Variants in LMNB1 observed in about 807,000 individuals in gnomAD.
The protein encoded by LMNB1 is lamin B1.
A neutral mutation model predicts 67.1 loss-of-function variants in LMNB1; 23 were observed. That is an observed-to-expected ratio of 0.34 (90% CI 0.25 to 0.49). The LOEUF (loss-of-function observed/expected upper bound fraction) is 0.49. LMNB1 is among the 20% of genes least tolerant of loss of function. LMNB1 has a pLI of 0.99. For synonymous variants in LMNB1, 281 were observed against 282.9 expected (o/e 0.99, Z 0.07); for missense variants, 634 against 746.5 (o/e 0.85, Z 1.76).
At chr5:126,778,880 G>T (rs945678225) in intron 1 of LMNB1, among the ~76,000 whole-genome samples, 4 of 152,164 alleles carry the variant, frequency 2.6e-5, no homozygotes, top group African/African-American at 9.7e-5. Context: ...CTAAGCGAGT[G>T]CGAGTTTTCA....
intron 9 of LMNB1, among the ~76,000 whole-genome samples, chr5:126,828,906 G>A (rs1387681295): frequency 1.3e-5 from 2 of 152,060 alleles, no homozygotes; most frequent in Admixed American, 6.6e-5. Context: ...TTCAGCTTGC[G>A]AGGCTCTGTT....
intron 9 of LMNB1, 84 bp downstream of exon 9, chr5:126,826,191 G>A (rs920987159): frequency 9.6e-6 from 14 of 1,457,948 alleles, no homozygotes; most frequent in African/African-American, 5.7e-5. Flanking sequence ...AGATTGAAAC[G>A]TGCAATAACC....
intron 1 of LMNB1, among the ~76,000 whole-genome samples, chr5:126,782,398 A>G (rs905570378): frequency 2.0e-5 from 3 of 152,238 alleles, no homozygotes; most frequent in Admixed American, 6.5e-5. Flanking sequence ...ATCATGAAAC[A>G]TTTCTGAGGG....
At chr5:126,806,302 C>T (rs1409071427) in intron 3 of LMNB1, among the ~76,000 whole-genome samples, 2 of 152,226 alleles carry the variant, frequency 1.3e-5, no homozygotes, top group Non-Finnish European at 2.9e-5. Context: ...TAATTACTGT[C>T]AACATGTTTA....
At chr5:126,788,832 T>C (rs919278438) in intron 1 of LMNB1, among the ~76,000 whole-genome samples, 2 of 152,068 alleles carry the variant, frequency 1.3e-5, no homozygotes, top group African/African-American at 2.4e-5. Flanking sequence ...AGGAAAAAGA[T>C]TATGAGTTTA....
At chr5:126,790,005 T>TAA (rs1750910061) in intron 1 of LMNB1, among the ~76,000 whole-genome samples, 1 of 151,852 alleles carries the variant, frequency 6.6e-6, no homozygotes, top group African/African-American at 2.4e-5. Context: ...ATGAGGTTTC[T>TAA]TCATGTTAGG....
rs70997312 is a variant in LMNB1, at chr5:126,786,112, C to CTTTTTTT, written c.359+8259_359+8265dup. Reference sequence around the variant, plus strand: ...ACAGTAGATGCTTTACAGACATTATCTTTTTTTTTTTTTTTTTTTTGATGC... The same window carrying CTTTTTTT: ...ACAGTAGATGCTTTACAGACATTATCTTTTTTTTTTTTTTTTTTTTTTTTTTTGATGC... On this transcript the variant is annotated intron_variant, in intron 1 of 10. Coordinates refer to ENST00000261366, the MANE Select transcript of LMNB1 (RefSeq NM_005573.4). 1.5e-3 allele frequency among the ~76,000 whole-genome samples: 158 copies of CTTTTTTT among 106,618 alleles called. 1 individual carries two copies. Among genetic ancestry groups the CTTTTTTT allele is most frequent in the East Asian group, 2.3e-3 (8 of 3,468 alleles). The allele number at this position is 106,618 out of a possible 152,430, so 69.9% of individuals were successfully genotyped here. A position where few individuals can be genotyped will look rare whatever the true frequency, so the allele number is the denominator to read the frequency against.
chr5:126,810,425 A>G (rs1580543702), intron 4 of LMNB1, 75 bp downstream of exon 4: 1 of 1,141,312 alleles, frequency 8.8e-7, no homozygotes, highest in East Asian at 2.5e-5. Flanking sequence ...ACATGGCTTT[A>G]TGTTTATTTT....
intron 8 of LMNB1, among the ~76,000 whole-genome samples, chr5:126,824,339 A>C (rs924582067): frequency 6.6e-6 from 1 of 152,216 alleles, no homozygotes; most frequent in African/African-American, 2.4e-5. Context: ...TATATCCAAA[A>C]TATTGCTTTA....
chr5:126,800,973 A>AATTTTT (rs1561742498), intron 1 of LMNB1, among the ~76,000 whole-genome samples: 1 of 60,812 alleles, frequency 1.6e-5, no homozygotes, highest in African/African-American at 5.9e-5. Context: ...ATATATATAT[A>AATTTTT]TATATATAAT....
chr5:126,809,524 T>TA (rs1433638575), intron 3 of LMNB1, among the ~76,000 whole-genome samples: 1 of 151,992 alleles, frequency 6.6e-6, no homozygotes, highest in Non-Finnish European at 1.5e-5. Flanking sequence ...TCATCTCTAC[T>TA]AAAAATACAA....
At chr5:126,780,378 G>A (rs1432691968) in intron 1 of LMNB1, among the ~76,000 whole-genome samples, 15 of 152,174 alleles carry the variant, frequency 9.9e-5, no homozygotes, top group Non-Finnish European at 1.5e-5. Context: ...TGATGCTGGC[G>A]CTTTTGTAAT....
At chr5:126,811,721 T>C in intron 4 of LMNB1, 52 bp from the exon 5 acceptor site, 1 of 1,526,002 alleles carries the variant, frequency 6.6e-7, no homozygotes, top group East Asian at 2.3e-5. Flanking sequence ...TCATGCTTCC[T>C]TTTTTGTTTC....
chr5:126,812,701 G>C (rs1404900480), intron 5 of LMNB1, among the ~76,000 whole-genome samples: 2 of 146,396 alleles, frequency 1.4e-5, no homozygotes, highest in African/African-American at 5.1e-5. Context: ...TTCCACATGA[G>C]AATAAACTTT....
chr5:126,798,201 C>A (rs973535452), intron 1 of LMNB1, among the ~76,000 whole-genome samples: 4 of 151,704 alleles, frequency 2.6e-5, no homozygotes, highest in Non-Finnish European at 5.9e-5. Flanking sequence ...GCCTGTAATC[C>A]CAGCACTTTG....
intron 3 of LMNB1, 144 bp from the exon 4 acceptor site, chr5:126,810,036 A>G: frequency 1.7e-6 from 1 of 597,574 alleles, no homozygotes. Context: ...TAAGAGGCAA[A>G]AAAGTGTTTA....
At chr5:126,782,916 C>T (rs1750667898) in intron 1 of LMNB1, among the ~76,000 whole-genome samples, 1 of 151,640 alleles carries the variant, frequency 6.6e-6, no homozygotes, top group Admixed American at 6.6e-5. Context: ...AAACAAAAAC[C>T]TTTGGCTGGG....
At chr5:126,811,113 C>A (rs1457024171) in intron 4 of LMNB1, among the ~76,000 whole-genome samples, 1 of 152,160 alleles carries the variant, frequency 6.6e-6, no homozygotes, top group Non-Finnish European at 1.5e-5. Flanking sequence ...AGTGAAAGAT[C>A]TTATTATAAG....
chr5:126,809,180 T>TTC (rs1751526541), intron 3 of LMNB1, among the ~76,000 whole-genome samples: 2 of 152,190 alleles, frequency 1.3e-5, no homozygotes, highest in Non-Finnish European at 2.9e-5. Flanking sequence ...CAGCCTTCCA[T>TTC]TCTAATTTTA....
Sources: gnomAD v4.1 joint callset for allele counts (sites outside exome capture counted in the v4.1 genomes callset) on GRCh38, gnomAD v4.1.1 for gene constraint, MANE v1.5 for transcripts, NCBI Gene and HGNC (gene_info 2026-07-23, HGNC 2026-07-21) for gene names.